Variants in RBFOX1 observed in about 807,000 individuals in gnomAD.
RBFOX1 encodes RNA binding protein fox-1 homolog 1.
In RBFOX1, 8 loss-of-function variants were observed where a neutral mutation model predicts 57.7. The observed-to-expected ratio is 0.14, with a 90% CI of 0.08 to 0.25. The LOEUF is 0.25. RBFOX1 is among the 10% of genes least tolerant of loss of function. The pLI is 1.00. For synonymous variants in RBFOX1, 326 were observed against 222.4 expected, an observed-to-expected ratio of 1.47 and a Z score of -4.15; for missense variants, 611 against 548.5, an observed-to-expected ratio of 1.11 and a Z score of -1.14.
chr16:6,780,482 A>G (rs1258614100), intron 3 of RBFOX1, among the ~76,000 whole-genome samples: 4 of 102,806 alleles, frequency 3.9e-5, no homozygotes, highest in Non-Finnish European at 7.8e-5. Context: ...ACATTTTTAT[A>G]TATATTTATA....
intron 3 of RBFOX1, among the ~76,000 whole-genome samples, chr16:7,030,076 C>G (rs189126576): frequency 6.6e-6 from 1 of 152,080 alleles, no homozygotes; most frequent in East Asian, 2.0e-4. Flanking sequence ...GAAAGTAAAA[C>G]ATTATTACAA....
At chr16:6,788,750 C>T (rs546293383) in intron 3 of RBFOX1, among the ~76,000 whole-genome samples, 2 of 152,084 alleles carry the variant, frequency 1.3e-5, no homozygotes, top group East Asian at 3.9e-4. Context: ...GCTGGGATTA[C>T]AGGTGTGAGC....
chr16:7,517,906 T>C (rs1567628340), intron 4 of RBFOX1, among the ~76,000 whole-genome samples: 1 of 151,808 alleles, frequency 6.6e-6, no homozygotes, highest in Non-Finnish European at 1.5e-5. Flanking sequence ...AAAAAGCGAC[T>C]TTATCTTTAT....
At chr16:5,399,210 G>C (rs890014800) in intron 1 of RBFOX1, among the ~76,000 whole-genome samples, 1 of 152,160 alleles carries the variant, frequency 6.6e-6, no homozygotes, top group Non-Finnish European at 1.5e-5. Context: ...TTGATAAATG[G>C]GCACGTGATA....
At chr16:6,943,942 C>G (rs947662309) in intron 3 of RBFOX1, among the ~76,000 whole-genome samples, 3 of 152,158 alleles carry the variant, frequency 2.0e-5, no homozygotes, top group African/African-American at 4.8e-5. Flanking sequence ...TCCCTGGAGT[C>G]TCTCTGAATC....
In RBFOX1 at chr16:5,644,713, G is replaced by C. The variant is rs116603009; in HGVS notation, c.318+45752G>C. ...TATTCTGATTATGAACTGAGATCAT[G>C]TCCACAAAAAGCCCAGGTATGGCTG... is the stretch of plus-strand genomic sequence containing the variant. On this transcript the variant is annotated intron_variant, in intron 3 of 19. Coordinates refer to the RBFOX1 transcript ENST00000641259. 3.3e-3 allele frequency among the ~76,000 whole-genome samples: 506 copies of C among 152,278 alleles called. 3 individuals are homozygous for C. Among genetic ancestry groups the C allele is most frequent in the African/African-American group, 0.011 (461 of 41,550 alleles).
chr16:7,497,775 C>T (rs1490330883), intron 4 of RBFOX1, among the ~76,000 whole-genome samples: 1 of 152,204 alleles, frequency 6.6e-6, no homozygotes, highest in Non-Finnish European at 1.5e-5. Context: ...GATAACCTTG[C>T]AGAGCAAGAT....
Position 5,335,090 on chromosome 16 carries a change from T to C in RBFOX1, c.219+94985T>C, listed in dbSNP as rs537077025. On this transcript the variant is annotated intron_variant, in intron 1 of 2. Coordinates refer to the RBFOX1 transcript ENST00000585867. ...TCTGTGCTCACTGGCAGTGTGTTTG[T>C]GGTGCCTCTTCCTTCACAATGTTGC... is the stretch of plus-strand genomic sequence containing the variant. 2.6e-5 allele frequency among the ~76,000 whole-genome samples: 4 copies of C among 152,324 alleles called. No homozygotes were observed. The South Asian group carries it at 8.3e-4, about 32-fold the overall frequency.
rs1452273102 is a variant in RBFOX1 at position 6,277,296 on chromosome 16, A to G, written c.-126-39699A>G. On this transcript the variant is annotated intron_variant, in intron 1 of 15. Transcript: ENST00000550418. ...GGCAACATGGTGAAACCCCATCTCT[A>G]CCAAAAATACGAAACTTAGCCAGGT... Among the ~76,000 whole-genome samples, 7 of 151,668 alleles carry G rather than the reference A, an allele frequency of 4.6e-5. No homozygotes were observed. The East Asian group carries it at 1.2e-3, about 25-fold the overall frequency.
intron 3 of RBFOX1, among the ~76,000 whole-genome samples, chr16:5,814,612 A>G (rs538335133): frequency 2.0e-5 from 3 of 152,306 alleles, no homozygotes; most frequent in East Asian, 1.9e-4. Flanking sequence ...CCACTTGTCT[A>G]TCCTGCCACC....
At chr16:6,541,256 C>T (rs1049578679) in intron 2 of RBFOX1, among the ~76,000 whole-genome samples, 4 of 152,230 alleles carry the variant, frequency 2.6e-5, no homozygotes, top group East Asian at 3.9e-4. Context: ...TGGAATAGCC[C>T]GGGAAGGAAC....
At chr16:7,350,041 G>T (rs1603626703) in intron 4 of RBFOX1, among the ~76,000 whole-genome samples, 1 of 152,074 alleles carries the variant, frequency 6.6e-6, no homozygotes, top group African/African-American at 2.4e-5. Flanking sequence ...CAGTTCCTTG[G>T]GTGGCTGAGG....
At chr16:6,573,211 C>A (rs1341086808) in intron 2 of RBFOX1, among the ~76,000 whole-genome samples, 1 of 152,126 alleles carries the variant, frequency 6.6e-6, no homozygotes, top group African/African-American at 2.4e-5. Flanking sequence ...TTTCAGTAGA[C>A]AACGTTAAAT....
At chr16:7,673,157 C>T (rs1483313133) in intron 13 of RBFOX1, among the ~76,000 whole-genome samples, 1 of 152,104 alleles carries the variant, frequency 6.6e-6, no homozygotes, top group Non-Finnish European at 1.5e-5. Context: ...CTAGCACACA[C>T]AGGTTTCCCC....
intron 2 of RBFOX1, among the ~76,000 whole-genome samples, chr16:6,438,918 A>G (rs2094306479): frequency 6.6e-6 from 1 of 152,182 alleles, no homozygotes; most frequent in Non-Finnish European, 1.5e-5. Flanking sequence ...TTTGCAACTC[A>G]TAATATGGAC....
chr16:6,193,855 G>A (rs2097162936), intron 1 of RBFOX1, among the ~76,000 whole-genome samples: 1 of 152,008 alleles, frequency 6.6e-6, no homozygotes, highest in Non-Finnish European at 1.5e-5. Context: ...AACTTGCCGA[G>A]TCTCTGCCTC....
chr16:5,976,522 G>A (rs2060066194), intron 4 of RBFOX1, among the ~76,000 whole-genome samples: 1 of 152,064 alleles, frequency 6.6e-6, no homozygotes, highest in South Asian at 2.1e-4. Flanking sequence ...CTTCCCTTAG[G>A]AATTCTAAGG....
At chr16:6,793,194 A>G (rs1603624622) in intron 3 of RBFOX1, among the ~76,000 whole-genome samples, 1 of 152,216 alleles carries the variant, frequency 6.6e-6, no homozygotes, top group South Asian at 2.1e-4. Context: ...TGTTGATCAA[A>G]CAGTATAATT....
At chr16:7,309,488 T>C (rs1040520268) in intron 4 of RBFOX1, among the ~76,000 whole-genome samples, 4 of 152,242 alleles carry the variant, frequency 2.6e-5, no homozygotes, top group African/African-American at 9.6e-5. Flanking sequence ...TTCTGTGTTA[T>C]AACATGCAAC....
Sources: gnomAD v4.1 joint callset for allele counts (sites outside exome capture counted in the v4.1 genomes callset) on GRCh38, gnomAD v4.1.1 for gene constraint, MANE v1.5 for transcripts, NCBI Gene and HGNC (gene_info 2026-07-23, HGNC 2026-07-21) for gene names.